Variants in PRKCE observed in about 807,000 individuals in gnomAD.
The protein encoded by PRKCE is protein kinase C epsilon type.
In PRKCE, 16 loss-of-function variants were observed where a neutral mutation model predicts 85.4. The ratio of observed to expected loss-of-function variants is 0.19; its 90% CI spans 0.13 to 0.28. PRKCE has a LOEUF of 0.28. Among genes scored for constraint, PRKCE ranks in the 10% least tolerant of loss-of-function variants. The pLI is 1.00. For synonymous variants in PRKCE, 388 were observed against 371.5 expected (o/e 1.04, Z -0.51); for missense variants, 573 against 975.2 (o/e 0.59, Z 5.49).
intron 2 of PRKCE, among the ~76,000 whole-genome samples, chr2:45,878,437 G>C (rs1247096462): frequency 6.6e-6 from 1 of 152,190 alleles, no homozygotes; most frequent in Admixed American, 6.5e-5. Flanking sequence ...ATACTCAGGG[G>C]GGATGATCTT....
intron 9 of PRKCE, among the ~76,000 whole-genome samples, chr2:46,009,042 G>A (rs1286068702): frequency 6.6e-6 from 1 of 152,184 alleles, no homozygotes; most frequent in Admixed American, 6.5e-5. Flanking sequence ...ACTGTACTTA[G>A]GAGTTACTTA....
chr2:45,980,244 G>C, intron 4 of PRKCE, 52 bp from the exon 5 acceptor site: 1 of 1,562,804 alleles, frequency 6.4e-7, no homozygotes, highest in Non-Finnish European at 8.7e-7. Flanking sequence ...TCCTGGGAGG[G>C]ACACTCCCTT....
chr2:46,092,066 A>G (rs1670214753), intron 11 of PRKCE, among the ~76,000 whole-genome samples: 1 of 152,220 alleles, frequency 6.6e-6, no homozygotes, highest in African/African-American at 2.4e-5. Context: ...TTTCTGAGAA[A>G]TCTTCGTGAG....
In PRKCE at chr2:46,187,377, G is replaced by C. The variant is rs532699323; in HGVS notation, c.*2496G>C. The C allele has an allele frequency of 7.2e-5, 11 of 152,504 alleles. No individual in the cohort carries two copies. The South Asian group carries it at 2.3e-3, about 32-fold the overall frequency. The allele number at this position is 152,504 out of a possible 1,614,324, so 9.4% of individuals were successfully genotyped here. A position where few individuals can be genotyped will look rare whatever the true frequency, so the allele number is the denominator to read the frequency against. On this transcript the variant is annotated 3_prime_UTR_variant, in exon 15 of 15. Coordinates refer to ENST00000306156, the MANE Select transcript of PRKCE (RefSeq NM_005400.3). ...TGGGCTGGCTGGGATGCCTCTGGCT[G>C]GTGAAGTTCTCACATAGGCTGATTT... is the stretch of plus-strand genomic sequence containing the variant.
rs183766211 is a variant in PRKCE at position 45,878,303 on chromosome 2, A to C, written c.412+35240A>C. ...GAAGGCATCCTCCTCTAGTGTTTGC[A>C]TCTGCTTAGGTGCCTGGTAGTCCAC... is the stretch of plus-strand genomic sequence containing the variant. On this transcript the variant is annotated intron_variant, in intron 2 of 14. Coordinates refer to ENST00000306156, the MANE Select transcript of PRKCE (RefSeq NM_005400.3). Among the ~76,000 whole-genome samples, 40 of 152,332 alleles carry C rather than the reference A, an allele frequency of 2.6e-4. 1 individual carries two copies. The highest frequency in any genetic ancestry group is 1.6e-3 in the Admixed American group (25 of 15,300).
intron 1 of PRKCE, among the ~76,000 whole-genome samples, chr2:45,833,749 G>C (rs1221153186): frequency 2.0e-5 from 3 of 152,224 alleles, no homozygotes; most frequent in African/African-American, 7.2e-5. Flanking sequence ...CCTAGTGATA[G>C]GGACCATTGC....
At chr2:46,086,845 G>T (rs1669690910) in intron 11 of PRKCE, among the ~76,000 whole-genome samples, 1 of 152,094 alleles carries the variant, frequency 6.6e-6, no homozygotes, top group Admixed American at 6.5e-5. Context: ...TCTTGGGTGG[G>T]GAACAAGGAA....
chr2:46,164,459 C>T (rs951145466), intron 14 of PRKCE, among the ~76,000 whole-genome samples: 2 of 152,238 alleles, frequency 1.3e-5, no homozygotes, highest in Non-Finnish European at 2.9e-5. Context: ...TCCAGGTTTC[C>T]TCTGTCGTGT....
intron 2 of PRKCE, among the ~76,000 whole-genome samples, chr2:45,932,964 T>C (rs958233701): frequency 9.2e-5 from 14 of 152,258 alleles, no homozygotes; most frequent in Admixed American, 9.2e-4. Context: ...GAATTTCTTC[T>C]TAAGTCTGAA....
intron 1 of PRKCE, among the ~76,000 whole-genome samples, chr2:45,734,237 C>T (rs1422936641): frequency 6.6e-6 from 1 of 152,022 alleles, no homozygotes; most frequent in East Asian, 1.9e-4. Flanking sequence ...TTGTGGCGTG[C>T]ACCCGTAGTC....
At chr2:45,796,307 C>G (rs989770528) in intron 1 of PRKCE, among the ~76,000 whole-genome samples, 4 of 152,140 alleles carry the variant, frequency 2.6e-5, no homozygotes, top group African/African-American at 9.7e-5. Context: ...CTGTAAGAAA[C>G]CTTGGACTGT....
chr2:45,786,416 C>T lies in PRKCE; in HGVS notation c.349-56584C>T, dbSNP rs1686607193. On this transcript the variant is annotated intron_variant, in intron 1 of 14. Transcript: ENST00000306156. The surrounding 1 kb of genome is among the most constrained non-coding windows in gnomAD (Gnocchi z 5.3). ...ACATCAGTGAAGTTTGTATTCCCTA[C>T]CGCAACTTCCGTTTCTGTACCCACC... Among the ~76,000 whole-genome samples the T allele has an allele frequency of 6.6e-6, 1 of 152,194 alleles. No homozygotes were observed. The highest frequency in any genetic ancestry group is 1.9e-4 in the East Asian group (1 of 5,202).
chr2:45,667,283 C>T (rs754820842), intron 1 of PRKCE, among the ~76,000 whole-genome samples: 34 of 152,138 alleles, frequency 2.2e-4, no homozygotes, highest in Non-Finnish European at 3.4e-4. Context: ...TGCACTCCAG[C>T]CTGGGTAACA....
At chr2:45,734,169 A>G (rs1681839398) in intron 1 of PRKCE, among the ~76,000 whole-genome samples, 1 of 152,194 alleles carries the variant, frequency 6.6e-6, no homozygotes, top group South Asian at 2.1e-4. Flanking sequence ...GATTGAGACC[A>G]TCCTGGCCAA....
intron 11 of PRKCE, among the ~76,000 whole-genome samples, chr2:46,122,607 A>T (rs1049648009): frequency 6.6e-6 from 1 of 152,140 alleles, no homozygotes; most frequent in African/African-American, 2.4e-5. Flanking sequence ...CATCCCTCTG[A>T]CCTTACCCAG....
intron 10 of PRKCE, among the ~76,000 whole-genome samples, chr2:46,050,911 A>G (rs1708815916): frequency 1.3e-5 from 2 of 152,060 alleles, no homozygotes; most frequent in African/African-American, 4.8e-5. Flanking sequence ...TGAAGCCATC[A>G]CCTGAGGAGT....
intron 10 of PRKCE, among the ~76,000 whole-genome samples, chr2:46,048,232 A>C (rs1308740429): frequency 6.6e-6 from 1 of 152,180 alleles, no homozygotes; most frequent in Non-Finnish European, 1.5e-5. Context: ...TAGGGCAGGT[A>C]CATGATCTCT....
chr2:45,851,773 C>T (rs903441179), intron 2 of PRKCE: 1 of 152,246 alleles, frequency 6.6e-6, no homozygotes, highest in Admixed American at 6.5e-5. Context: ...CAGACCACGT[C>T]TAATGGCAGG....
At chr2:45,852,314 T>G (rs541849718) in intron 2 of PRKCE, among the ~76,000 whole-genome samples, 62 of 152,348 alleles carry the variant, frequency 4.1e-4, no homozygotes, top group African/African-American at 1.4e-3. Context: ...TAGCCAAGTG[T>G]GAATTTGTTT....
Sources: gnomAD v4.1 joint callset for allele counts (sites outside exome capture counted in the v4.1 genomes callset) on GRCh38, gnomAD v4.1.1 for gene constraint, Gnocchi (gnomAD v3.1) non-coding constraint, MANE v1.5 for transcripts, NCBI Gene and HGNC (gene_info 2026-07-23, HGNC 2026-07-21) for gene names.